Variants in ROBO2 observed in about 807,000 individuals in gnomAD.
ROBO2 encodes the protein roundabout guidance receptor 2.
ROBO2 carries 53 observed loss-of-function variants against 160.8 expected under a neutral mutation model. The ratio of observed to expected loss-of-function variants is 0.33; its 90% CI spans 0.26 to 0.41. The LOEUF (loss-of-function observed/expected upper bound fraction) is 0.41, where lower values mean the gene tolerates loss of function less well. ROBO2 is among the 10% of genes least tolerant of loss of function. The pLI, the probability that ROBO2 is intolerant of heterozygous loss-of-function variation, is 1.00. For synonymous variants in ROBO2, 664 were observed against 611.7 expected, an observed-to-expected ratio of 1.09 and a Z score of -1.26; for missense variants, 1,577 against 1,722.4, an observed-to-expected ratio of 0.92 and a Z score of 1.49.
At chr3:76,880,410 A>G (rs1394991891) in intron 2 of ROBO2, among the ~76,000 whole-genome samples, 1 of 152,174 alleles carries the variant, frequency 6.6e-6, no homozygotes, top group Non-Finnish European at 1.5e-5. Flanking sequence ...TGCTAGCTGA[A>G]CATATTTCAG....
chr3:76,863,241 C>G (rs1198420875), intron 2 of ROBO2, among the ~76,000 whole-genome samples: 1 of 152,020 alleles, frequency 6.6e-6, no homozygotes, highest in African/African-American at 2.4e-5. Context: ...GCTGTTTCTT[C>G]TGTGTAAAAT....
intron 2 of ROBO2, among the ~76,000 whole-genome samples, chr3:76,089,550 C>T (rs888280246): frequency 1.3e-5 from 2 of 151,966 alleles, no homozygotes; most frequent in Non-Finnish European, 2.9e-5. Context: ...TAATGTAACC[C>T]ATCACATCAA....
At chr3:76,828,136 G>C (rs1404065449) in intron 2 of ROBO2, among the ~76,000 whole-genome samples, 1 of 152,120 alleles carries the variant, frequency 6.6e-6, no homozygotes, top group Non-Finnish European at 1.5e-5. Context: ...AATCTGGAGA[G>C]ACCTGAGTTC....
intron 2 of ROBO2, among the ~76,000 whole-genome samples, chr3:76,122,733 A>G (rs984375907): frequency 6.6e-6 from 1 of 151,978 alleles, no homozygotes; most frequent in Admixed American, 6.6e-5. Context: ...GTTTCTCCCT[A>G]CGTGCTCTCT....
chr3:77,146,213 C>T (rs1022176453), intron 2 of ROBO2, among the ~76,000 whole-genome samples: 4 of 152,126 alleles, frequency 2.6e-5, no homozygotes, highest in Non-Finnish European at 5.9e-5. Flanking sequence ...GTTTGGCCGC[C>T]CCCTGCTCCC....
rs75580679 is a variant in ROBO2 at position 77,371,808 on chromosome 3, G to A, written c.389-105606G>A. Among the ~76,000 whole-genome samples the A allele has an allele frequency of 8.3e-3, 1,266 of 152,300 alleles. 11 individuals are homozygous for A. Among genetic ancestry groups the A allele is most frequent in the South Asian group, 0.022 (107 of 4,822 alleles). On this transcript the variant is annotated intron_variant, in intron 2 of 25. Coordinates refer to ENST00000461745, the Ensembl canonical transcript of ROBO2. ...ATGATTTTTATCCGGGACCAGGCATGTGTTACCGTTAAACACTTTCATTCA... is the reference window on the plus strand; with the variant it reads ...ATGATTTTTATCCGGGACCAGGCATATGTTACCGTTAAACACTTTCATTCA...
chr3:76,049,421 T>TTTTTTTTTTTTTTTTTA (rs2067578780), intron 2 of ROBO2, among the ~76,000 whole-genome samples: 1 of 121,358 alleles, frequency 8.2e-6, no homozygotes, highest in Non-Finnish European at 1.7e-5. Context: ...TTTTTTTTTT[T>TTTTTTTTTTTTTTTTTA]TTTGTAGAGA....
chr3:76,247,138 A>C (rs1325372973), intron 2 of ROBO2, among the ~76,000 whole-genome samples: 1 of 152,182 alleles, frequency 6.6e-6, no homozygotes, highest in Admixed American at 6.5e-5. Context: ...TTGTTCTTCA[A>C]GACATTTGGA....
At chr3:76,538,281 C>T (rs1178309787) in intron 2 of ROBO2, among the ~76,000 whole-genome samples, 1 of 151,806 alleles carries the variant, frequency 6.6e-6, no homozygotes, top group Non-Finnish European at 1.5e-5. Context: ...GAAAAAGTTT[C>T]CTCTATTTAT....
intron 2 of ROBO2, among the ~76,000 whole-genome samples, chr3:76,783,670 G>C (rs537978849): frequency 5.2e-4 from 78 of 150,752 alleles, no homozygotes; most frequent in African/African-American, 1.8e-3. Context: ...TTTGATTTTG[G>C]ACAATGTTAT....
intron 2 of ROBO2, among the ~76,000 whole-genome samples, chr3:76,315,409 C>T (rs1460624207): frequency 1.3e-5 from 2 of 152,274 alleles, no homozygotes; most frequent in African/African-American, 4.8e-5. Context: ...TATCTTCTCC[C>T]TCTTTAGGAA....
intron 2 of ROBO2, among the ~76,000 whole-genome samples, chr3:76,234,431 A>T (rs1704811319): frequency 6.6e-6 from 1 of 152,170 alleles, no homozygotes; most frequent in South Asian, 2.1e-4. Context: ...TAGTAATTGC[A>T]GTTTTTGCCA....
At chr3:76,696,991 G>A (rs537058302) in intron 2 of ROBO2, among the ~76,000 whole-genome samples, 28 of 152,196 alleles carry the variant, frequency 1.8e-4, no homozygotes, top group Middle Eastern at 3.4e-3. Context: ...GGGATATTGA[G>A]ATAAAGTATT....
chr3:76,826,421 C>A (rs1393428087), intron 2 of ROBO2, among the ~76,000 whole-genome samples: 1 of 152,066 alleles, frequency 6.6e-6, no homozygotes, highest in Non-Finnish European at 1.5e-5. Context: ...CTCCAGTAAT[C>A]AGTGGATGAG....
exon 25 of ROBO2, chr3:77,644,731 C>T (rs1039825605): frequency 1.2e-6 from 2 of 1,613,768 alleles, no homozygotes; most frequent in African/African-American, 2.7e-5. Context: ...TATAGCAAGC[C>T]CAGTTTCCCA....
intron 1 of ROBO2, among the ~76,000 whole-genome samples, chr3:75,934,874 T>C (rs1947703283): frequency 6.6e-6 from 1 of 152,090 alleles, no homozygotes; most frequent in Non-Finnish European, 1.5e-5. Context: ...TGGATGTAGG[T>C]AAGAAGAAGT....
intron 23 of ROBO2, among the ~76,000 whole-genome samples, chr3:77,628,097 GA>G (rs2095070518): frequency 1.3e-5 from 2 of 152,102 alleles, no homozygotes; most frequent in Non-Finnish European, 1.5e-5. Flanking sequence ...ATACATTTGA[GA>G]TTTTTTTTTG....
intron 2 of ROBO2, among the ~76,000 whole-genome samples, chr3:76,458,623 T>C (rs533893541): frequency 1.3e-5 from 2 of 152,168 alleles, no homozygotes; most frequent in Non-Finnish European, 2.9e-5. Flanking sequence ...ATTTACCGTA[T>C]TATTCTGTTT....
At chr3:76,369,386 G>A (rs931118058) in intron 2 of ROBO2, among the ~76,000 whole-genome samples, 4 of 151,874 alleles carry the variant, frequency 2.6e-5, no homozygotes, top group Admixed American at 2.6e-4. Flanking sequence ...TCAGAGTTCT[G>A]CCACTAGGGT....
Sources: gnomAD v4.1 joint callset for allele counts (sites outside exome capture counted in the v4.1 genomes callset) on GRCh38, gnomAD v4.1.1 for gene constraint, MANE v1.5 for transcripts, NCBI Gene and HGNC (gene_info 2026-07-23, HGNC 2026-07-21) for gene names.